C5orf47: variants seen among roughly 807,000 people sequenced by gnomAD.
C5orf47 encodes uncharacterized protein C5orf47.
C5orf47 carries 20 observed loss-of-function variants against 20.6 expected under a neutral mutation model. The ratio of observed to expected loss-of-function variants is 0.97; its 90% confidence interval spans 0.68 to 1.41. C5orf47 has a LOEUF of 1.41. C5orf47 is among the 40% of genes most tolerant of loss of function. The probability of loss-of-function intolerance (pLI) is 0.00; values close to 1 mark genes in which losing one functional copy is unlikely to be tolerated. For synonymous variants in C5orf47, 106 were observed against 97.3 expected (o/e 1.09, Z -0.53); for missense variants, 262 against 238.4 (o/e 1.10, Z -0.65).
chr5:173,999,624 C>T, intron 2 of C5orf47, 76 bp from the exon 3 acceptor site: 2 of 597,190 alleles, frequency 3.3e-6, no homozygotes, highest in Non-Finnish European at 5.8e-6. Flanking sequence ...ACAGTTGAGG[C>T]ATTCCCAGTT....
chr5:174,008,428 T>C (rs1258113516), downstream of C5orf47, among the ~76,000 whole-genome samples: 3 of 152,120 alleles, frequency 2.0e-5, no homozygotes, highest in Non-Finnish European at 4.4e-5. Context: ...GAGATGTCAG[T>C]AGTGAGAAAA....
intron 3 of C5orf47, 96 bp downstream of exon 3, chr5:173,999,895 T>C (rs1424657464): frequency 6.4e-6 from 4 of 622,610 alleles, no homozygotes; most frequent in Non-Finnish European, 1.1e-5. Context: ...TTCTTAATTG[T>C]CACATTCAAT....
At chr5:173,999,230 C>T (rs538831842) in intron 2 of C5orf47, among the ~76,000 whole-genome samples, 8 of 152,188 alleles carry the variant, frequency 5.3e-5, no homozygotes, top group Admixed American at 3.9e-4. Context: ...CTTGTTCTTT[C>T]GATTCCAGTA....
In C5orf47 at chr5:173,995,883, G is replaced by A. The variant is rs187533904; in HGVS notation, c.326-2270G>A. On this transcript the variant is annotated intron_variant, in intron 1 of 4. Coordinates refer to ENST00000340147, the MANE Select transcript of C5orf47 (RefSeq NM_001144954.2). The stretch of plus-strand genomic sequence containing the variant: ...GCACTTCTGGAAGATAAACTTGTAA[G>A]CTGTTTGGAAATGTACTGAAGTTTA... Among the ~76,000 whole-genome samples the A allele has an allele frequency of 2.9e-3, 437 of 152,332 alleles. 3 individuals are homozygous for A. Among genetic ancestry groups the A allele is most frequent in the Admixed American group, 6.5e-3 (99 of 15,304 alleles).
In C5orf47 at chr5:173,989,189, G is replaced by A. The variant is rs550387177; in HGVS notation, c.-75G>A. 3.9e-4 allele frequency: 508 copies of A among 1,296,736 alleles called. No individual in the cohort carries two copies. In the Middle Eastern group the frequency reaches 4.7e-3, roughly 12 times the overall value. 80.3% of individuals were successfully genotyped at this position (1,296,736 alleles called of 1,614,324 possible). On this transcript the variant is annotated 5_prime_UTR_variant, in exon 1 of 5. Coordinates refer to ENST00000340147, the MANE Select transcript of C5orf47 (RefSeq NM_001144954.2). Reference sequence around the variant, plus strand: ...GGCCCTAACCGCTCCCGCATCCCTCGCCTGCACAGTGGGCAGTCTGGCGCC... The same window carrying A: ...GGCCCTAACCGCTCCCGCATCCCTCACCTGCACAGTGGGCAGTCTGGCGCC...
At chr5:174,000,165 A>ACCT (rs1759170311) in intron 3 of C5orf47, among the ~76,000 whole-genome samples, 1 of 152,156 alleles carries the variant, frequency 6.6e-6, no homozygotes, top group South Asian at 2.1e-4. Flanking sequence ...GCAATATAAA[A>ACCT]TTATACATTG....
chr5:173,991,111 G>A (rs559613541), intron 1 of C5orf47, among the ~76,000 whole-genome samples: 20 of 152,124 alleles, frequency 1.3e-4, no homozygotes, highest in South Asian at 8.3e-4. Context: ...TGGACATTTC[G>A]TATATGTTGA....
At chr5:174,001,926 C>G (rs1759202399) in intron 4 of C5orf47, among the ~76,000 whole-genome samples, 1 of 150,748 alleles carries the variant, frequency 6.6e-6, no homozygotes, top group African/African-American at 2.4e-5. Context: ...CTACTGAAAT[C>G]TACATACAGT....
chr5:173,992,276 AG>A (rs1364026788), intron 1 of C5orf47, among the ~76,000 whole-genome samples: 2 of 149,040 alleles, frequency 1.3e-5, no homozygotes, highest in African/African-American at 5.0e-5. Flanking sequence ...GGCCCGATAC[AG>A]TGCCTCACAC....
chr5:174,004,245 C>T (rs1463908440), intron 4 of C5orf47, 26 bp from the exon 5 acceptor site: 4 of 152,196 alleles, frequency 2.6e-5, no homozygotes, highest in Non-Finnish European at 5.9e-5. Context: ...TTAACAAGAA[C>T]TCAATTTTGT....
downstream of C5orf47, among the ~76,000 whole-genome samples, chr5:174,008,840 A>G (rs964035820): frequency 6.7e-6 from 1 of 150,330 alleles, no homozygotes; most frequent in East Asian, 1.9e-4. Flanking sequence ...AAAAAAAAAA[A>G]AGAAAGAAAA....
intron 1 of C5orf47, among the ~76,000 whole-genome samples, chr5:173,996,272 T>A (rs1180295766): frequency 6.6e-6 from 1 of 152,122 alleles, no homozygotes; most frequent in Non-Finnish European, 1.5e-5. Context: ...AGAGAAAGAT[T>A]TGAAACATAA....
chr5:174,001,100 G>T, intron 3 of C5orf47, 96 bp from the exon 4 acceptor site: 1 of 751,966 alleles, frequency 1.3e-6, no homozygotes, highest in Admixed American at 2.8e-5. Context: ...GTTTAAAAAT[G>T]TATTATAACT....
At chr5:174,000,671 A>T (rs185398651) in intron 3 of C5orf47, among the ~76,000 whole-genome samples, 1 of 152,134 alleles carries the variant, frequency 6.6e-6, no homozygotes, top group East Asian at 1.9e-4. Context: ...CAAGCAGTGG[A>T]AACTTATGGT....
chr5:173,989,831 C>T (rs969647932), intron 1 of C5orf47, among the ~76,000 whole-genome samples: 2 of 152,214 alleles, frequency 1.3e-5, no homozygotes, highest in South Asian at 4.1e-4. Context: ...TTACGGCCCC[C>T]TCACGGAGGC....
chr5:173,990,795 A>C (rs1192546541), intron 1 of C5orf47, among the ~76,000 whole-genome samples: 4 of 152,216 alleles, frequency 2.6e-5, no homozygotes, highest in Non-Finnish European at 4.4e-5. Flanking sequence ...TGTTTCGAAG[A>C]GGTTTGACAG....
rs61730190 is a variant in C5orf47 at position 173,989,362 on chromosome 5, C to T, written c.99C>T (p.Gly33=). 7 of 1,510,894 alleles carry T rather than the reference C, an allele frequency of 4.6e-6. No individual in the cohort carries two copies. The highest frequency in any genetic ancestry group is 2.8e-5 in the African/African-American group (2 of 70,822). 93.6% of individuals were successfully genotyped at this position (1,510,894 alleles called of 1,614,324 possible). ...AGTGCAGTGGCGTCCTGCAACTGGG[C>T]GGCCGTGGAGCTCAAGGCCTTTGGG... is the stretch of plus-strand genomic sequence containing the variant. The part of the protein sequence containing the change: ...SHQCSGVLQL[G]GRGAQGLWGQ... Residue 33 remains glycine (G), a synonymous_variant, in exon 1 of 5, where the codon GGC becomes GGT. Transcript: ENST00000340147.
chr5:173,990,987 C>A (rs1049676178), intron 1 of C5orf47, among the ~76,000 whole-genome samples: 1 of 152,158 alleles, frequency 6.6e-6, no homozygotes, highest in African/African-American at 2.4e-5. Context: ...CCCAAGAGAA[C>A]CCCTGTATCC....
At chr5:174,002,018 A>T (rs1026092893) in intron 4 of C5orf47, among the ~76,000 whole-genome samples, 2 of 151,416 alleles carry the variant, frequency 1.3e-5, no homozygotes, top group Non-Finnish European at 2.9e-5. Context: ...TAGTGACTCA[A>T]TCGTAGCCCA....
Sources: gnomAD v4.1 joint callset for allele counts (sites outside exome capture counted in the v4.1 genomes callset) on GRCh38, gnomAD v4.1.1 for gene constraint, MANE v1.5 for transcripts, NCBI Gene and HGNC (gene_info 2026-07-23, HGNC 2026-07-21) for gene names.